Variants in UNC13B observed in about 807,000 individuals in gnomAD.
The protein encoded by UNC13B is protein unc-13 homolog B.
Under a neutral mutation model 211.0 loss-of-function variants are expected in UNC13B, and 144 were observed. The ratio of observed to expected loss-of-function variants is 0.68; its 90% CI spans 0.60 to 0.78. The LOEUF (loss-of-function observed/expected upper bound fraction) is 0.78, where lower values mean the gene tolerates loss of function less well. Among genes scored for constraint, UNC13B ranks in the 30% least tolerant of loss-of-function variants. The pLI, the probability that UNC13B is intolerant of heterozygous loss-of-function variation, is 0.00. For synonymous variants in UNC13B, 709 were observed against 725.8 expected (o/e 0.98, Z 0.37); for missense variants, 1,777 against 2,002.0 (o/e 0.89, Z 2.14).
chr9:35,358,859 T>A (rs1833210921), intron 11 of UNC13B, among the ~76,000 whole-genome samples: 1 of 151,850 alleles, frequency 6.6e-6, no homozygotes, highest in Non-Finnish European at 1.5e-5. Context: ...CCACGAAGCC[T>A]GGTTAATTTT....
chr9:35,250,415 T>G (rs573841299), intron 6 of UNC13B, among the ~76,000 whole-genome samples: 1 of 152,350 alleles, frequency 6.6e-6, no homozygotes, highest in East Asian at 1.9e-4. Flanking sequence ...TAAATGAAAT[T>G]ATATAACATG....
Position 35,397,537 on chromosome 9 carries a change from T to C in UNC13B, c.11677-98T>C, listed in dbSNP as rs1835965729. Reference sequence around the variant, plus strand: ...GTGGGATTCCCCCTTTACCTCCCTGTTGTTATTGTTCTGTGATGAGAAGTG... The same window carrying C: ...GTGGGATTCCCCCTTTACCTCCCTGCTGTTATTGTTCTGTGATGAGAAGTG... On this transcript the variant is annotated intron_variant, in intron 29 of 39. Transcript: ENST00000635942. The C allele has an allele frequency of 3.6e-6, 5 of 1,390,296 alleles. No individual in the cohort carries two copies. The Admixed American group carries it at 7.9e-5, about 22-fold the overall frequency. The allele number at this position is 1,390,296 out of a possible 1,614,324, so 86.1% of individuals were successfully genotyped here. A position where few individuals can be genotyped will look rare whatever the true frequency, so the allele number is the denominator to read the frequency against.
intron 6 of UNC13B, 34 bp from the exon 7 acceptor site, chr9:35,258,959 A>G (rs1245411262): frequency 1.3e-6 from 2 of 1,584,946 alleles, no homozygotes; most frequent in East Asian, 4.5e-5. Context: ...TTCTGATTGT[A>G]TTTATTTATT....
intron 29 of UNC13B, 57 bp from the exon 30 acceptor site, chr9:35,397,578 T>A: frequency 6.4e-7 from 1 of 1,557,368 alleles, no homozygotes; most frequent in Non-Finnish European, 8.7e-7. Context: ...TCAGGCAAGA[T>A]CCCCATAGAA....
rs1422827232 is a variant in UNC13B at position 35,307,324 on chromosome 9, G to A, written c.7920G>A (p.Thr2640=). ...TGGGGATATTGCAAGCTACAGACAC[G>A]GAGGCATCGTTAGAAGCAGAGAACT... is the stretch of plus-strand genomic sequence containing the variant. The part of the protein sequence containing the change: ...GDMGILQATD[T]EASLEAENFA... Residue 2640 remains threonine, a synonymous_variant, in exon 9 of 40, where the codon ACG becomes ACA. Transcript: ENST00000635942. The A allele has an allele frequency of 1.5e-5, 6 of 398,818 alleles. No individual in the cohort carries two copies. The highest frequency in any genetic ancestry group is 6.2e-5 in the African/African-American group (3 of 48,600). The allele number at this position is 398,818 out of a possible 1,614,324, so 24.7% of individuals were successfully genotyped here. A position where few individuals can be genotyped will look rare whatever the true frequency, so the allele number is the denominator to read the frequency against.
intron 29 of UNC13B, 40 bp downstream of exon 29, chr9:35,397,350 C>T (rs368209429): frequency 4.4e-5 from 70 of 1,607,110 alleles, no homozygotes; most frequent in Non-Finnish European, 5.4e-5. Flanking sequence ...CTTACCACCA[C>T]CACACTCACA....
At chr9:35,275,794 T>C (rs991738950) in intron 7 of UNC13B, among the ~76,000 whole-genome samples, 4 of 152,072 alleles carry the variant, frequency 2.6e-5, no homozygotes, top group Admixed American at 2.6e-4. Context: ...CGTTTCACAA[T>C]GTTGACTAGG....
rs913331468 is a variant in UNC13B, at chr9:35,306,972, A to G, written c.7568A>G (p.Lys2523Arg). The G allele has an allele frequency of 5.3e-5, 21 of 398,872 alleles. No individual in the cohort carries two copies. The highest frequency in any genetic ancestry group is 8.8e-5 in the Non-Finnish European group (20 of 226,064). The allele number at this position is 398,872 out of a possible 1,614,324, so 24.7% of individuals were successfully genotyped here. ...AAAAGTCCCAAGCCAGAGCCATACA[A>G]ACAAGAATCATCTCTCCCAGCTACT... Reference protein sequence around the residue: ...IFKSPKPEPYKQESSLPATSW... With the variant: ...IFKSPKPEPYRQESSLPATSW... Residue 2523 changes from lysine (K) to arginine (R), a missense_variant, in exon 9 of 40, where the codon AAA (lysine) becomes AGA (arginine). Lys to Arg is a conservative substitution (Grantham distance 26). Coordinates refer to ENST00000635942, the MANE Select transcript of UNC13B (RefSeq NM_001371189.2).
chr9:35,376,430 T>A (rs1360052292), intron 15 of UNC13B, among the ~76,000 whole-genome samples, 183 bp downstream of exon 15: 1 of 152,230 alleles, frequency 6.6e-6, no homozygotes, highest in African/African-American at 2.4e-5. Context: ...AAATAACAGG[T>A]CTTACACTAC....
chr9:35,397,294 T>G lies in UNC13B; in HGVS notation c.11660T>G (p.Met3887Arg), dbSNP rs747760125. 9.9e-6 allele frequency: 16 copies of G among 1,613,998 alleles called. No homozygotes were observed. The highest frequency in any genetic ancestry group is 1.4e-5 in the Non-Finnish European group (16 of 1,179,990). ...GACCCCAGCATCCTTGCCCACTACA[T>G]GAGGAGGTTTGCTAAGGTGACCATA... ...CPDPSILAHY[M>R]RRFAKTIGKV... The change falls in exon 29 of 40, where the codon ATG becomes AGG. Residue 3887 changes from methionine to arginine, a missense_variant. Met to Arg is a moderately conservative substitution (Grantham distance 91). Transcript: ENST00000635942.
At chr9:35,275,267 G>A (rs1251306031) in intron 7 of UNC13B, among the ~76,000 whole-genome samples, 1 of 152,082 alleles carries the variant, frequency 6.6e-6, no homozygotes, top group African/African-American at 2.4e-5. Context: ...ACCCTGTGGT[G>A]GCAAAAATCT....
chr9:35,292,794 A>G (rs1252546039), intron 7 of UNC13B, among the ~76,000 whole-genome samples: 3 of 152,154 alleles, frequency 2.0e-5, no homozygotes, highest in African/African-American at 7.2e-5. Context: ...GGGCTTTTCA[A>G]CTGTTACCCT....
chr9:35,361,729 T>G (rs1344966194), intron 11 of UNC13B: 1 of 152,200 alleles, frequency 6.6e-6, no homozygotes, highest in African/African-American at 2.4e-5. Flanking sequence ...AGTGTGGACA[T>G]AGAATGGTGG....
chr9:35,322,629 G>T (rs535535659), intron 11 of UNC13B, among the ~76,000 whole-genome samples: 1 of 152,086 alleles, frequency 6.6e-6, no homozygotes, highest in Admixed American at 6.6e-5. Flanking sequence ...GCAAAGTTCC[G>T]TTCTCACTTG....
intron 11 of UNC13B, among the ~76,000 whole-genome samples, chr9:35,326,411 T>A (rs1387877136): frequency 6.6e-6 from 1 of 152,186 alleles, no homozygotes; most frequent in African/African-American, 2.4e-5. Context: ...AATTTGTTAA[T>A]TTTAGAGACA....
At chr9:35,359,208 C>T (rs930896986) in intron 11 of UNC13B, among the ~76,000 whole-genome samples, 1 of 152,108 alleles carries the variant, frequency 6.6e-6, no homozygotes, top group African/African-American at 2.4e-5. Context: ...TCAGTCTGTT[C>T]TTGTGCTCAA....
chr9:35,194,138 G>C (rs1373348030), intron 1 of UNC13B, among the ~76,000 whole-genome samples: 1 of 152,206 alleles, frequency 6.6e-6, no homozygotes, highest in African/African-American at 2.4e-5. Context: ...GGCAGAGAGT[G>C]ATGCTCACTG....
intron 1 of UNC13B, among the ~76,000 whole-genome samples, chr9:35,176,107 G>C (rs1224471157): frequency 6.6e-6 from 1 of 151,970 alleles, no homozygotes; most frequent in East Asian, 1.9e-4. Context: ...CTGTAAGAAG[G>C]GGAAAGTCAA....
At chr9:35,226,938 C>T (rs929767612) in intron 1 of UNC13B, among the ~76,000 whole-genome samples, 3 of 152,148 alleles carry the variant, frequency 2.0e-5, no homozygotes, top group African/African-American at 4.8e-5. Flanking sequence ...ATCACTATAT[C>T]GTTGACTAGC....
Sources: allele counts gnomAD v4.1 joint callset (sites outside exome capture counted in the v4.1 genomes callset), GRCh38; gene constraint gnomAD v4.1.1; transcripts MANE v1.5; gene names NCBI Gene and HGNC (gene_info 2026-07-23, HGNC 2026-07-21).